OXNAD1: variants seen among roughly 807,000 people sequenced by gnomAD.
OXNAD1 encodes oxidoreductase NAD binding domain containing 1.
In OXNAD1, 34 loss-of-function variants were observed where a neutral mutation model predicts 32.9. The ratio of observed to expected loss-of-function variants is 1.03; its 90% CI spans 0.79 to 1.38. The LOEUF (loss-of-function observed/expected upper bound fraction) is 1.38. Among genes scored for constraint, OXNAD1 ranks in the 40% most tolerant of loss-of-function variants. The probability of loss-of-function intolerance (pLI) is 0.00; values close to 1 mark genes in which losing one functional copy is unlikely to be tolerated. For missense variants in OXNAD1, 407 were observed against 379.4 expected (o/e 1.07, Z -0.60); for synonymous variants, 134 against 135.2 (o/e 0.99, Z 0.06).
chr3:16,325,315 A>C lies in OXNAD1; in HGVS notation c.*31-11797A>C, dbSNP rs188296814. On this transcript the variant is annotated intron_variant, in intron 9 of 9. Coordinates refer to the OXNAD1 transcript ENST00000435829. ...AACACAGATCTACCCAGTTCCACAC[A>C]GTCTCCATTCCACCGTAAGTGGTCA... Among the ~76,000 whole-genome samples the C allele has an allele frequency of 2.0e-5, 3 of 152,374 alleles. No homozygotes were observed. The East Asian group carries it at 5.8e-4, about 29-fold the overall frequency.
At chr3:16,319,154 C>CA (rs1442349346) in intron 9 of OXNAD1, among the ~76,000 whole-genome samples, 11 of 152,064 alleles carry the variant, frequency 7.2e-5, no homozygotes, top group Admixed American at 5.2e-4. Context: ...ATGGATGTTC[C>CA]AAAACAGTCA....
chr3:16,339,350 G>C (rs2071152216), downstream of OXNAD1: 1 of 152,214 alleles, frequency 6.6e-6, no homozygotes, highest in Non-Finnish European at 1.5e-5. Flanking sequence ...CCCACAGCAT[G>C]CTCTTTGAGG....
intron 4 of OXNAD1, among the ~76,000 whole-genome samples, chr3:16,279,762 A>G (rs1234756572): frequency 2.6e-5 from 4 of 152,168 alleles, no homozygotes; most frequent in Non-Finnish European, 5.9e-5. Flanking sequence ...GGATTTACCA[A>G]AGTGGATAGT....
At chr3:16,315,220 A>G (rs1188259925) in intron 9 of OXNAD1, among the ~76,000 whole-genome samples, 2 of 152,100 alleles carry the variant, frequency 1.3e-5, no homozygotes, top group African/African-American at 4.8e-5. Context: ...GGTTCAAGCA[A>G]TTCTCCTGCC....
intron 2 of OXNAD1, among the ~76,000 whole-genome samples, chr3:16,270,031 T>C (rs976569490): frequency 6.6e-6 from 1 of 152,220 alleles, no homozygotes; most frequent in Non-Finnish European, 1.5e-5. Context: ...GAATTTGAAA[T>C]GTTGAAGAAT....
At chr3:16,350,492 CTTTTTT>C (rs11324617), downstream of OXNAD1, among the ~76,000 whole-genome samples, 1 of 146,562 alleles carries the variant, frequency 6.8e-6, no homozygotes, top group African/African-American at 2.5e-5. Context: ...AGATGAATCA[CTTTTTT>C]TTTTTTTTTA....
intron 4 of OXNAD1, chr3:16,276,340 A>T (rs1023082618): frequency 2.1e-4 from 37 of 174,440 alleles, no homozygotes; most frequent in African/African-American, 6.5e-4. Context: ...TCTTCTGTGA[A>T]TTTTTTTTTT....
rs1460779241 is a variant in OXNAD1 at position 16,281,803 on chromosome 3, A to G, written c.184-4539A>G. 1.1e-4 allele frequency among the ~76,000 whole-genome samples: 17 copies of G among 152,122 alleles called. 1 individual carries two copies. Among genetic ancestry groups the G allele is most frequent in the Admixed American group, 1.1e-3 (17 of 15,280 alleles). Reference sequence around the variant, plus strand: ...TAAGGAATTCAACACATGCCAGTTAAGCTGTCAGAAATGAAATAATCTACC... The same window carrying G: ...TAAGGAATTCAACACATGCCAGTTAGGCTGTCAGAAATGAAATAATCTACC... On this transcript the variant is annotated intron_variant, in intron 4 of 8. Transcript: ENST00000285083.
At chr3:16,330,419 A>C (rs971527311) in intron 9 of OXNAD1, among the ~76,000 whole-genome samples, 2 of 152,220 alleles carry the variant, frequency 1.3e-5, no homozygotes, top group African/African-American at 4.8e-5. Flanking sequence ...TTTTAAGTCC[A>C]TTAGCTAAGA....
In OXNAD1 at chr3:16,269,169, C is replaced by A. The variant is rs2064760468; in HGVS notation, c.-115C>A. On this transcript the variant is annotated 5_prime_UTR_variant, in exon 2 of 9. Coordinates refer to ENST00000285083, the MANE Select transcript of OXNAD1 (RefSeq NM_138381.5). ...AATGCATGGAAAAGCTGTCCATGTT[C>A]CAACTGCTGTACATCCAAAAGTCTC... The A allele has an allele frequency of 2.6e-6, 4 of 1,513,256 alleles. No homozygotes were observed. Among genetic ancestry groups the A allele is most frequent in the African/African-American group, 1.4e-5 (1 of 71,564 alleles). The allele number at this position is 1,513,256 out of a possible 1,614,324, so 93.7% of individuals were successfully genotyped here. A position where few individuals can be genotyped will look rare whatever the true frequency, so the allele number is the denominator to read the frequency against.
chr3:16,326,872 A>G, intron 9 of OXNAD1: 1 of 1,613,294 alleles, frequency 6.2e-7, no homozygotes, highest in Non-Finnish European at 8.5e-7. Context: ...CTGCACTTCG[A>G]CACCCTGGGG....
rs2292618 is a variant in OXNAD1, at chr3:16,301,548, C to G, written c.433-78C>G. 56,369 of 1,527,394 alleles carry G rather than the reference C, an allele frequency of 0.037. 1,176 individuals are homozygous for G. The highest frequency in any genetic ancestry group is 0.093 in the Middle Eastern group (442 of 4,764). 94.6% of individuals were successfully genotyped at this position (1,527,394 alleles called of 1,614,324 possible). On this transcript the variant is annotated intron_variant, in intron 6 of 8. Coordinates refer to ENST00000285083, the MANE Select transcript of OXNAD1 (RefSeq NM_138381.5). The surrounding 1 kb of genome is among the most constrained non-coding windows in gnomAD (Gnocchi z 4.1). ...AATACTGATAATACAGGAGATAGAC[C>G]CAGTTTTATTAAAGTAGAACATTTG...
rs1340280923 is a variant in OXNAD1 at position 16,303,561 on chromosome 3, A to C, written c.938A>C (p.Ter313SerextTer25). 1 of 1,613,626 alleles carries C rather than the reference A, an allele frequency of 6.2e-7. No individual in the cohort carries two copies. The highest frequency in any genetic ancestry group is 1.1e-5 in the South Asian group (1 of 91,066). ...CACATTTGCTTTGAGAAGTGGTGGTAGGAGGCAGACAAAGGCAGAAAAAAT... is the reference window on the plus strand; with the variant it reads ...CACATTTGCTTTGAGAAGTGGTGGTCGGAGGCAGACAAAGGCAGAAAAAAT... ...KEHICFEKWW* is the reference protein window; with the variant it reads ...KEHICFEKWWS The change falls in exon 9 of 9, where the codon TAG becomes TCG. Residue 313 changes from the stop codon to serine (S), a stop_lost. Coordinates refer to ENST00000285083, the MANE Select transcript of OXNAD1 (RefSeq NM_138381.5). This position sits in a 1 kb window ranked among gnomAD's most constrained non-coding sequence, Gnocchi z 4.8.
rs992383664 is a variant in OXNAD1 at position 16,302,384 on chromosome 3, G to T, written c.676-256G>T. 6.6e-6 allele frequency among the ~76,000 whole-genome samples: 1 copy of T among 152,144 alleles called. No homozygotes were observed. The highest frequency in any genetic ancestry group is 2.4e-5 in the African/African-American group (1 of 41,422). On this transcript the variant is annotated intron_variant, in intron 7 of 8. Coordinates refer to ENST00000285083, the MANE Select transcript of OXNAD1 (RefSeq NM_138381.5). The surrounding 1 kb of genome is among the most constrained non-coding windows in gnomAD (Gnocchi z 4.2). ...AACTGCTGCTTAATTGCCAATGCTT[G>T]AGAAAAAGGAAAAAGAAAAAACTCC...
rs2065449318 is a variant in OXNAD1 at position 16,277,695 on chromosome 3, C to T, written c.183+5973C>T. On this transcript the variant is annotated intron_variant, in intron 4 of 8. Coordinates refer to ENST00000285083, the MANE Select transcript of OXNAD1 (RefSeq NM_138381.5). The surrounding 1 kb of genome is among the most constrained non-coding windows in gnomAD (Gnocchi z 4.3). ...CTTGGAGTCGACAGGAAATGGAATA[C>T]TCACCCAGAAATGTTCTTTTGGTTT... Among the ~76,000 whole-genome samples the T allele has an allele frequency of 6.6e-6, 1 of 152,186 alleles. No homozygotes were observed. Among genetic ancestry groups the T allele is most frequent in the Non-Finnish European group, 1.5e-5 (1 of 68,040 alleles).
chr3:16,350,817 A>G (rs1175873170), downstream of OXNAD1, among the ~76,000 whole-genome samples: 26 of 152,234 alleles, frequency 1.7e-4, no homozygotes, highest in Non-Finnish European at 3.7e-4. Flanking sequence ...ACTAAAGACT[A>G]TGATCTCAGA....
downstream of OXNAD1, among the ~76,000 whole-genome samples, chr3:16,341,984 C>T (rs368957285): frequency 6.6e-6 from 1 of 152,106 alleles, no homozygotes; most frequent in African/African-American, 2.4e-5. The surrounding 1 kb of genome is among the most constrained non-coding windows in gnomAD (Gnocchi z 4.7). Context: ...CTTTTCTTGA[C>T]CTGTATTTTC....
Position 16,302,737 on chromosome 3 carries a change from C to T in OXNAD1, c.773C>T (p.Pro258Leu). The change falls in exon 8 of 9, where the codon CCA becomes CTA. Residue 258 changes from proline to leucine, a missense_variant. Pro to Leu is a moderately conservative substitution (Grantham distance 98). Coordinates refer to ENST00000285083, the MANE Select transcript of OXNAD1 (RefSeq NM_138381.5). The surrounding 1 kb of genome is among the most constrained non-coding windows in gnomAD (Gnocchi z 4.2). ...QTTQINAELK[P>L]YITEGRITEK... Reference sequence around the variant, plus strand: ...ACACAAATCAATGCGGAACTCAAGCCATACATCACGGGTGAGTCCCCTAAA... The same window carrying T: ...ACACAAATCAATGCGGAACTCAAGCTATACATCACGGGTGAGTCCCCTAAA... 6.2e-7 allele frequency: 1 copy of T among 1,609,586 alleles called. No homozygotes were observed.
Position 16,317,593 on chromosome 3 carries a change from A to G in OXNAD1, c.*30+14001A>G, listed in dbSNP as rs1394138176. Among the ~76,000 whole-genome samples, 3 of 152,178 alleles carry G rather than the reference A, an allele frequency of 2.0e-5. No homozygotes were observed. The highest frequency in any genetic ancestry group is 7.2e-5 in the African/African-American group (3 of 41,436). Reference sequence around the variant, plus strand: ...AGGAGATGTGAGGCCTGCCCCCAGTAAGAGCCAGAGCTGCAGCTACTCATT... The same window carrying G: ...AGGAGATGTGAGGCCTGCCCCCAGTGAGAGCCAGAGCTGCAGCTACTCATT... On this transcript the variant is annotated intron_variant, in intron 9 of 9. Transcript: ENST00000435829. This position sits in a 1 kb window ranked among gnomAD's most constrained non-coding sequence, Gnocchi z 4.3.
Sources: gnomAD v4.1 joint callset for allele counts (sites outside exome capture counted in the v4.1 genomes callset) on GRCh38, gnomAD v4.1.1 for gene constraint, Gnocchi (gnomAD v3.1) non-coding constraint, MANE v1.5 for transcripts, NCBI Gene and HGNC (gene_info 2026-07-23, HGNC 2026-07-21) for gene names.